Variants in ASPH observed in about 807,000 individuals in gnomAD.
ASPH encodes the protein aspartyl/asparaginyl beta-hydroxylase.
Under a neutral mutation model 118.4 loss-of-function variants are expected in ASPH, and 100 were observed. That is an observed-to-expected ratio of 0.84 (90% CI 0.72 to 1.00). The LOEUF is 1.00. ASPH is among the 50% of genes least tolerant of loss of function. The pLI is 0.00. For synonymous variants in ASPH, 315 were observed against 325.6 expected (o/e 0.97, Z 0.35); for missense variants, 920 against 919.5 (o/e 1.00, Z -0.01).
At chr8:61,683,273 T>C (rs1049211264) in intron 2 of ASPH, among the ~76,000 whole-genome samples, 1 of 150,752 alleles carries the variant, frequency 6.6e-6, no homozygotes, top group African/African-American at 2.4e-5. Context: ...ATGAATATAG[T>C]AAAAAAAAAC....
intron 1 of ASPH, among the ~76,000 whole-genome samples, chr8:61,689,255 T>C (rs1415752690): frequency 4.6e-5 from 7 of 152,184 alleles, no homozygotes; most frequent in Non-Finnish European, 1.0e-4. Flanking sequence ...AAATGGTAAG[T>C]CCTTGCTTGA....
rs1255650375 is a variant in ASPH, at chr8:61,663,973, AAAAAGTAAATAAAT to A, written c.323-10327_323-10314del. The stretch of plus-strand genomic sequence containing the variant: ...AAATCTCGTTTTTAAGATCTTCATA[AAAAAGTAAATAAAT>A]ATGTTTTAAAAAATAAAATCTTAGT... On this transcript the variant is annotated intron_variant, in intron 3 of 24. Coordinates refer to ENST00000379454, the MANE Select transcript of ASPH (RefSeq NM_004318.4). The A allele has an allele frequency of 1.7e-5, 15 of 866,426 alleles. No homozygotes were observed. In the African/African-American group the frequency reaches 2.7e-4, roughly 16 times the overall value. 53.7% of individuals were successfully genotyped at this position (866,426 alleles called of 1,614,324 possible). A position where few individuals can be genotyped will look rare whatever the true frequency, so the allele number is the denominator to read the frequency against.
At chr8:61,704,050 C>T (rs1835895267) in intron 1 of ASPH, among the ~76,000 whole-genome samples, 3 of 151,368 alleles carry the variant, frequency 2.0e-5, no homozygotes, top group Middle Eastern at 3.4e-3. Context: ...AAAAAATTAG[C>T]CGGGCGTAGT....
chr8:61,708,325 T>C (rs1001994714), intron 1 of ASPH, among the ~76,000 whole-genome samples: 2 of 152,212 alleles, frequency 1.3e-5, no homozygotes, highest in Non-Finnish European at 2.9e-5. Flanking sequence ...CTTATACAAA[T>C]TGACTTGATT....
chr8:61,695,099 C>T (rs77297186), intron 1 of ASPH, among the ~76,000 whole-genome samples: 1 of 152,196 alleles, frequency 6.6e-6, no homozygotes, highest in African/African-American at 2.4e-5. Context: ...AAAGCATTTG[C>T]GTGTGCCATG....
chr8:61,583,597 C>G (rs1838309190), intron 15 of ASPH: 1 of 170,316 alleles, frequency 5.9e-6, no homozygotes, highest in Non-Finnish European at 1.2e-5. Context: ...TTAAAAAACT[C>G]AATTAGGAGG....
chr8:61,664,367 T>A (rs1458622478), intron 3 of ASPH: 3 of 976,116 alleles, frequency 3.1e-6, no homozygotes, highest in Non-Finnish European at 2.4e-6. Flanking sequence ...CATTCTAATC[T>A]GAAATAATTA....
chr8:61,533,316 T>C (rs895687555), intron 21 of ASPH, among the ~76,000 whole-genome samples: 6 of 152,180 alleles, frequency 3.9e-5, no homozygotes, highest in Non-Finnish European at 5.9e-5. Context: ...CCTTTCTGGG[T>C]CTTCAATTCT....
At chr8:61,641,905 T>C (rs1805305001) in intron 10 of ASPH, among the ~76,000 whole-genome samples, 1 of 152,234 alleles carries the variant, frequency 6.6e-6, no homozygotes, top group Non-Finnish European at 1.5e-5. Context: ...TCTTTCTACA[T>C]AATCATCTTT....
chr8:61,678,801 TA>T (rs936011832), intron 3 of ASPH, among the ~76,000 whole-genome samples: 5 of 152,136 alleles, frequency 3.3e-5, no homozygotes, highest in African/African-American at 1.2e-4. Context: ...CCTAAACCCT[TA>T]AAGTTTAAAC....
At chr8:61,616,107 T>G (rs1294697093) in intron 14 of ASPH, among the ~76,000 whole-genome samples, 1 of 152,218 alleles carries the variant, frequency 6.6e-6, no homozygotes, top group Non-Finnish European at 1.5e-5. Context: ...TGGTTGGTAC[T>G]GATCTAAAGT....
At chr8:61,642,592 G>A (rs552436022) in intron 10 of ASPH, among the ~76,000 whole-genome samples, 13 of 152,274 alleles carry the variant, frequency 8.5e-5, no homozygotes, top group African/African-American at 2.9e-4. Flanking sequence ...CAGGCCGGGC[G>A]CAGTGGCTCA....
Position 61,676,392 on chromosome 8 carries a change from G to A in ASPH, c.322+4576C>T, listed in dbSNP as rs570292297. Reference sequence around the variant, plus strand: ...GGTGGAAAAAAGAAGTGGAGGAAGGGTGATCTCAAAAGCGAGGTGCATCAA... The same window carrying A: ...GGTGGAAAAAAGAAGTGGAGGAAGGATGATCTCAAAAGCGAGGTGCATCAA... On this transcript the variant is annotated intron_variant, in intron 3 of 24. Coordinates refer to ENST00000379454, the MANE Select transcript of ASPH (RefSeq NM_004318.4). 5.7e-6 allele frequency: 8 copies of A among 1,396,100 alleles called. No individual in the cohort carries two copies. In the South Asian group the frequency reaches 8.5e-5, roughly 15 times the overall value. The allele number at this position is 1,396,100 out of a possible 1,614,324, so 86.5% of individuals were successfully genotyped here. A position where few individuals can be genotyped will look rare whatever the true frequency, so the allele number is the denominator to read the frequency against.
At chr8:61,711,729 CACA>C (rs1838110301) in intron 1 of ASPH, among the ~76,000 whole-genome samples, 2 of 152,006 alleles carry the variant, frequency 1.3e-5, no homozygotes, top group South Asian at 4.2e-4. Flanking sequence ...CATACGTTTA[CACA>C]ACAACTTAAG....
intron 21 of ASPH, among the ~76,000 whole-genome samples, chr8:61,544,402 G>A (rs1488340894): frequency 1.3e-5 from 2 of 152,270 alleles, no homozygotes; most frequent in East Asian, 3.9e-4. Context: ...TGTTTTATAA[G>A]CAATTAAATG....
chr8:61,522,548 T>A (rs1268564612), intron 22 of ASPH, among the ~76,000 whole-genome samples: 1 of 152,180 alleles, frequency 6.6e-6, no homozygotes, highest in East Asian at 1.9e-4. Flanking sequence ...AGGGACCAGG[T>A]GGAGATAACT....
At chr8:61,636,335 T>C (rs750641682) in intron 12 of ASPH, among the ~76,000 whole-genome samples, 2 of 152,146 alleles carry the variant, frequency 1.3e-5, no homozygotes, top group Non-Finnish European at 2.9e-5. Context: ...AAGAAATGTT[T>C]AGGGAGTCTA....
At chr8:61,571,598 A>G (rs1001513222) in intron 16 of ASPH, among the ~76,000 whole-genome samples, 1 of 152,036 alleles carries the variant, frequency 6.6e-6, no homozygotes, top group Non-Finnish European at 1.5e-5. Flanking sequence ...AATATTTTCA[A>G]TCTGTGGTTG....
intron 15 of ASPH, chr8:61,578,093 T>C (rs984953150): frequency 2.2e-5 from 22 of 1,006,106 alleles, no homozygotes; most frequent in African/African-American, 9.8e-5. Flanking sequence ...TAAGATACAA[T>C]GGGGGTACAG....
Sources: allele counts gnomAD v4.1 joint callset (sites outside exome capture counted in the v4.1 genomes callset), GRCh38; gene constraint gnomAD v4.1.1; transcripts MANE v1.5; gene names NCBI Gene and HGNC (gene_info 2026-07-23, HGNC 2026-07-21).